The following IGF2BP2 variants were observed in gnomAD, a reference collection of about 807,000 sequenced individuals.
IGF2BP2 encodes insulin-like growth factor 2 mRNA-binding protein 2.
A neutral mutation model predicts 75.8 loss-of-function variants in IGF2BP2; 17 were observed. That is an observed-to-expected ratio of 0.22 (90% CI 0.15 to 0.34). IGF2BP2 has a LOEUF of 0.34. IGF2BP2 is among the 10% of genes least tolerant of loss of function. The pLI is 1.00. For synonymous variants in IGF2BP2, 288 were observed against 295.6 expected (o/e 0.97, Z 0.26); for missense variants, 516 against 772.4 (o/e 0.67, Z 3.93).
At chr3:185,696,809 C>A in intron 3 of IGF2BP2, 146 bp from the exon 4 acceptor site, 1 of 700,188 alleles carries the variant, frequency 1.4e-6, no homozygotes, top group Admixed American at 2.6e-5. Flanking sequence ...TCAGGTCTTC[C>A]ATAAAAACAG....
At position 185,655,664 on chromosome 3, in the gene IGF2BP2, C is replaced by T. The variant is rs546895621; in HGVS notation, c.1386+1622G>A. 3.3e-5 allele frequency among the ~76,000 whole-genome samples: 5 copies of T among 152,242 alleles called. 1 individual carries two copies. The highest frequency in any genetic ancestry group is 1.9e-4 in the East Asian group (1 of 5,204). ...AGGAGCACAGTGACACGTCACCATT[C>T]GACCTTGCTGGGACCTGGGACTGTG... On this transcript the variant is annotated intron_variant, in intron 12 of 15. Transcript: ENST00000382199.
intron 7 of IGF2BP2, among the ~76,000 whole-genome samples, chr3:185,677,068 T>TATATATATATATATAGAGAGAGAGAG: frequency 8.4e-4 from 30 of 35,850 alleles, no homozygotes; most frequent in Non-Finnish European, 1.3e-3. Context: ...TATATATATA[T>TATATATATATATATAGAGAGAGAGAG]AGAGAGAGAG....
chr3:185,787,956 T>C (rs1396586431), intron 2 of IGF2BP2, among the ~76,000 whole-genome samples: 2 of 152,202 alleles, frequency 1.3e-5, no homozygotes, highest in East Asian at 3.8e-4. Flanking sequence ...TTCAGATTCA[T>C]TCGTGGCAAA....
At chr3:185,698,452 T>C in intron 2 of IGF2BP2, 105 bp from the exon 3 acceptor site, 1 of 1,005,494 alleles carries the variant, frequency 9.9e-7, no homozygotes, top group Non-Finnish European at 1.5e-6. Flanking sequence ...TTTCTCACTG[T>C]GTTCACCATG....
chr3:185,741,489 G>T (rs889661464), intron 2 of IGF2BP2, among the ~76,000 whole-genome samples: 4 of 152,184 alleles, frequency 2.6e-5, no homozygotes, highest in African/African-American at 9.7e-5. Flanking sequence ...CAAGATAAAA[G>T]AATGAATGGG....
chr3:185,767,364 C>G (rs1371697240), intron 2 of IGF2BP2, among the ~76,000 whole-genome samples: 1 of 152,198 alleles, frequency 6.6e-6, no homozygotes, highest in Non-Finnish European at 1.5e-5. Flanking sequence ...TTTCCTAAAA[C>G]CTTCCAGAAC....
intron 2 of IGF2BP2, among the ~76,000 whole-genome samples, chr3:185,800,116 T>C (rs1738005232): frequency 6.6e-6 from 1 of 152,196 alleles, no homozygotes; most frequent in Admixed American, 6.5e-5. Context: ...AATGAGTCCA[T>C]GTCCTTTGCA....
chr3:185,788,382 A>T (rs1478466181), intron 2 of IGF2BP2, among the ~76,000 whole-genome samples: 1 of 152,088 alleles, frequency 6.6e-6, no homozygotes, highest in Admixed American at 6.5e-5. Context: ...AGCTGGGCAC[A>T]CACCTGTTGT....
intron 2 of IGF2BP2, chr3:185,821,089 C>G: frequency 6.5e-7 from 1 of 1,534,768 alleles, no homozygotes; most frequent in Non-Finnish European, 8.7e-7. Context: ...GAAGTCTGAT[C>G]TCAGTACACA....
chr3:185,734,622 G>A (rs998755611), intron 2 of IGF2BP2, among the ~76,000 whole-genome samples: 2 of 152,202 alleles, frequency 1.3e-5, no homozygotes, highest in Non-Finnish European at 2.9e-5. Flanking sequence ...AATGAAGTGA[G>A]AAGTACGCTG....
At chr3:185,706,871 G>A (rs140434190) in intron 2 of IGF2BP2, among the ~76,000 whole-genome samples, 25 of 151,740 alleles carry the variant, frequency 1.6e-4, no homozygotes, top group African/African-American at 5.6e-4. Flanking sequence ...CTCCCGAGTA[G>A]CTGGGATGAC....
intron 14 of IGF2BP2, among the ~76,000 whole-genome samples, chr3:185,648,022 C>T (rs989467871): frequency 2.0e-5 from 3 of 152,254 alleles, no homozygotes; most frequent in South Asian, 2.1e-4. Context: ...CCGCCTAAAG[C>T]GCAGTGTGTG....
At chr3:185,821,092 A>G (rs771481353) in intron 2 of IGF2BP2, 6 of 1,533,864 alleles carry the variant, frequency 3.9e-6, no homozygotes, top group Non-Finnish European at 5.2e-6. Flanking sequence ...GTCTGATCTC[A>G]GTACACAATA....
chr3:185,723,334 C>G (rs1308864135), intron 2 of IGF2BP2, among the ~76,000 whole-genome samples: 1 of 152,144 alleles, frequency 6.6e-6, no homozygotes, highest in Non-Finnish European at 1.5e-5. Flanking sequence ...AGCCTACAGT[C>G]AAAAGCTTAT....
chr3:185,752,351 T>C (rs1731072607), intron 2 of IGF2BP2, among the ~76,000 whole-genome samples: 1 of 152,166 alleles, frequency 6.6e-6, no homozygotes, highest in South Asian at 2.1e-4. Flanking sequence ...TGAACAGACT[T>C]TCTTAATCAG....
chr3:185,815,966 T>C (rs954490856), intron 2 of IGF2BP2, among the ~76,000 whole-genome samples: 2 of 152,138 alleles, frequency 1.3e-5, no homozygotes, highest in Non-Finnish European at 2.9e-5. Flanking sequence ...CAAGACAGTA[T>C]GAGAGGCCCA....
Position 185,658,389 on chromosome 3 carries a change from G to A in IGF2BP2, c.1221C>T (p.Ser407=), listed in dbSNP as rs756262970. 18 of 1,613,902 alleles carry A rather than the reference G, an allele frequency of 1.1e-5. 1 individual carries two copies. In the South Asian group the frequency reaches 2.0e-4, roughly 18 times the overall value. Residue 407 remains serine (S), a synonymous_variant, in exon 11 of 16, where the codon TCC becomes TCT. Transcript: ENST00000382199. ...HPFTTHSGYF[S]SLYPHHQFGP... Reference sequence around the variant, plus strand: ...CAAACTGGTGATGGGGGTACAGGCTGGAGAAGTATCCGGAGTGGGTCTGCA... The same window carrying A: ...CAAACTGGTGATGGGGGTACAGGCTAGAGAAGTATCCGGAGTGGGTCTGCA...
chr3:185,654,864 C>G (rs1029556407), intron 12 of IGF2BP2, among the ~76,000 whole-genome samples: 1 of 152,234 alleles, frequency 6.6e-6, no homozygotes, highest in African/African-American at 2.4e-5. Context: ...CTCTCACCTG[C>G]AGCCAAAGCA....
intron 2 of IGF2BP2, among the ~76,000 whole-genome samples, chr3:185,725,598 G>C (rs1424494733): frequency 6.6e-6 from 1 of 152,158 alleles, no homozygotes; most frequent in Non-Finnish European, 1.5e-5. Context: ...GGGTAGAGGA[G>C]AGGAGGTAAA....
Sources: gnomAD v4.1 joint callset for allele counts (sites outside exome capture counted in the v4.1 genomes callset) on GRCh38, gnomAD v4.1.1 for gene constraint, MANE v1.5 for transcripts, NCBI Gene and HGNC (gene_info 2026-07-23, HGNC 2026-07-21) for gene names.